Variants in PACS1 observed in about 807,000 individuals in gnomAD.
PACS1 encodes phosphofurin acidic cluster sorting protein 1, also known as PACS-1.
A neutral mutation model predicts 115.0 loss-of-function variants in PACS1; 24 were observed. The observed-to-expected ratio is 0.21, with a 90% CI of 0.15 to 0.29. The LOEUF (loss-of-function observed/expected upper bound fraction) is 0.29. Ranked by LOEUF, PACS1 falls within the 10% of genes least tolerant of loss-of-function variation. The probability of loss-of-function intolerance (pLI) is 1.00; values close to 1 mark genes in which losing one functional copy is unlikely to be tolerated. For synonymous variants in PACS1, 453 were observed against 504.5 expected, an observed-to-expected ratio of 0.90 and a Z score of 1.37; for missense variants, 838 against 1,251.2, an observed-to-expected ratio of 0.67 and a Z score of 4.98.
At chr11:66,157,307 T>A (rs577493578) in intron 1 of PACS1, among the ~76,000 whole-genome samples, 46 of 152,258 alleles carry the variant, frequency 3.0e-4, no homozygotes, top group African/African-American at 1.1e-3. Context: ...CCTACAAAAT[T>A]TTGAAAACTG....
chr11:66,241,366 G>T (rs1855810628), intron 21 of PACS1, 61 bp from the exon 22 acceptor site: 1 of 1,323,708 alleles, frequency 7.6e-7, no homozygotes, highest in Admixed American at 2.0e-5. Context: ...TACCCCATCA[G>T]GCCTATGTAG....
intron 2 of PACS1, among the ~76,000 whole-genome samples, chr11:66,202,430 T>C (rs989443494): frequency 6.6e-6 from 1 of 151,846 alleles, no homozygotes; most frequent in South Asian, 2.1e-4. Context: ...GATACAAAAA[T>C]CATCAAGAAA....
intron 2 of PACS1, among the ~76,000 whole-genome samples, chr11:66,199,836 A>G (rs1854737292): frequency 6.6e-6 from 1 of 151,282 alleles, no homozygotes; most frequent in Admixed American, 6.6e-5. Flanking sequence ...TGGCCAACAC[A>G]GTGAAACCCC....
rs540459812 is a variant in PACS1, at chr11:66,113,261, C to T, written c.356+42419C>T. 6.6e-5 allele frequency among the ~76,000 whole-genome samples: 10 copies of T among 152,332 alleles called. No individual in the cohort carries two copies. The East Asian group carries it at 1.9e-3, about 29-fold the overall frequency. On this transcript the variant is annotated intron_variant, in intron 1 of 23. Transcript: ENST00000320580. ...TGGATTTCTTTTGTTTACCTACCCACTTCTTGGGCAGATGACTTTTCTTTT... is the reference window on the plus strand; with the variant it reads ...TGGATTTCTTTTGTTTACCTACCCATTTCTTGGGCAGATGACTTTTCTTTT...
chr11:66,232,294 G>T lies in PACS1; in HGVS notation c.1731+18G>T. ...AGGGCCAGGTAAGTGCTGAAACTGC[G>T]AGGCCATGTGGGGTCCTGGAGGGCA... On this transcript the variant is annotated intron_variant, in intron 14 of 23. Coordinates refer to ENST00000320580, the MANE Select transcript of PACS1 (RefSeq NM_018026.4). 1 of 1,470,550 alleles carries T rather than the reference G, an allele frequency of 6.8e-7. No homozygotes were observed. Among genetic ancestry groups the T allele is most frequent in the Non-Finnish European group, 9.5e-7 (1 of 1,049,710 alleles). The allele number at this position is 1,470,550 out of a possible 1,614,324, so 91.1% of individuals were successfully genotyped here.
At chr11:66,126,292 C>T (rs1858569699) in intron 1 of PACS1, among the ~76,000 whole-genome samples, 1 of 152,144 alleles carries the variant, frequency 6.6e-6, no homozygotes, top group African/African-American at 2.4e-5. Flanking sequence ...TTACTTTGCC[C>T]TTGACTTCCA....
chr11:66,190,934 G>C (rs570189449), intron 1 of PACS1, among the ~76,000 whole-genome samples: 1 of 152,324 alleles, frequency 6.6e-6, no homozygotes, highest in African/African-American at 2.4e-5. Context: ...ACGTGATGGG[G>C]AAGGGCCAGG....
intron 1 of PACS1, among the ~76,000 whole-genome samples, chr11:66,186,670 C>T (rs1182033399): frequency 6.6e-6 from 1 of 152,230 alleles, no homozygotes; most frequent in African/African-American, 2.4e-5. Flanking sequence ...GCATGTGCCT[C>T]ATTATAAGGC....
At position 66,236,974 on chromosome 11, in the gene PACS1, A is replaced by G. The variant is rs1485202625; in HGVS notation, c.2250+1034A>G. Among the ~76,000 whole-genome samples the G allele has an allele frequency of 5.3e-5, 8 of 152,100 alleles. No individual in the cohort carries two copies. Among genetic ancestry groups the G allele is most frequent in the Non-Finnish European group, 1.2e-4 (8 of 68,018 alleles). ...TCACTCTGTTGCCAGGCGGGAGTGC[A>G]GTGGCGCGATCTCGACTCACTGCAA... On this transcript the variant is annotated intron_variant, in intron 19 of 23. Coordinates refer to ENST00000320580, the MANE Select transcript of PACS1 (RefSeq NM_018026.4). This position sits in a 1 kb window ranked among gnomAD's most constrained non-coding sequence, Gnocchi z 4.2.
chr11:66,231,880 C>T, intron 13 of PACS1: 1 of 320,932 alleles, frequency 3.1e-6, no homozygotes. Context: ...CACACCGTTT[C>T]CCATCCGCGA....
chr11:66,231,965 G>T, intron 13 of PACS1: 1 of 519,272 alleles, frequency 1.9e-6, no homozygotes, highest in Non-Finnish European at 3.5e-6. Flanking sequence ...ATCTCCATGT[G>T]TCCTCTAAGG....
chr11:66,208,462 A>G (rs1854994812), intron 2 of PACS1, among the ~76,000 whole-genome samples: 1 of 152,120 alleles, frequency 6.6e-6, no homozygotes, highest in African/African-American at 2.4e-5. Flanking sequence ...TACAAATAAA[A>G]AATAAAAACG....
At chr11:66,121,808 A>G (rs531519991) in intron 1 of PACS1, among the ~76,000 whole-genome samples, 2 of 152,350 alleles carry the variant, frequency 1.3e-5, no homozygotes, top group South Asian at 4.1e-4. Context: ...GTTTGAAGCT[A>G]GCAGAGGTTG....
intron 1 of PACS1, among the ~76,000 whole-genome samples, chr11:66,094,841 A>G (rs1857742342): frequency 6.6e-6 from 1 of 152,172 alleles, no homozygotes; most frequent in Non-Finnish European, 1.5e-5. Context: ...CCAAAAGCTT[A>G]TCCACCATGA....
chr11:66,178,345 G>A (rs746106186), intron 1 of PACS1, among the ~76,000 whole-genome samples: 6 of 152,110 alleles, frequency 3.9e-5, no homozygotes, highest in Non-Finnish European at 8.8e-5. Flanking sequence ...ACATGGAACC[G>A]TACTGGATGT....
intron 1 of PACS1, among the ~76,000 whole-genome samples, chr11:66,132,903 A>G (rs1326625977): frequency 2.0e-5 from 3 of 152,180 alleles, no homozygotes; most frequent in Non-Finnish European, 4.4e-5. Context: ...CGTGACCTCA[A>G]GTGATCTCCC....
At chr11:66,136,342 C>A (rs898193240) in intron 1 of PACS1, among the ~76,000 whole-genome samples, 5 of 151,728 alleles carry the variant, frequency 3.3e-5, no homozygotes, top group African/African-American at 1.2e-4. Context: ...CACACACACA[C>A]ACACACACAC....
intron 1 of PACS1, among the ~76,000 whole-genome samples, chr11:66,160,663 A>ATTTT (rs58145434): frequency 4.3e-5 from 5 of 116,188 alleles, no homozygotes; most frequent in African/African-American, 7.0e-5. Context: ...TGCCTGGCTG[A>ATTTT]TTTTTTTTTT....
chr11:66,184,885 A>G (rs1860086886), intron 1 of PACS1, among the ~76,000 whole-genome samples: 1 of 152,170 alleles, frequency 6.6e-6, no homozygotes, highest in Non-Finnish European at 1.5e-5. Flanking sequence ...CTTTCTGGGA[A>G]CACTCTATCA....
Sources: gnomAD v4.1 joint callset for allele counts (sites outside exome capture counted in the v4.1 genomes callset) on GRCh38, gnomAD v4.1.1 for gene constraint, Gnocchi (gnomAD v3.1) non-coding constraint, MANE v1.5 for transcripts, NCBI Gene and HGNC (gene_info 2026-07-23, HGNC 2026-07-21) for gene names.